SEMA3A: variants seen among roughly 807,000 people sequenced by gnomAD.
The protein encoded by SEMA3A is semaphorin 3A.
SEMA3A carries 29 observed loss-of-function variants against 97.9 expected under a neutral mutation model. The ratio of observed to expected loss-of-function variants is 0.30; its 90% CI spans 0.22 to 0.40. The LOEUF (loss-of-function observed/expected upper bound fraction) is 0.40, where lower values mean the gene tolerates loss of function less well. Ranked by LOEUF, SEMA3A falls within the 10% of genes least tolerant of loss-of-function variation. The probability of loss-of-function intolerance (pLI) is 1.00; values close to 1 mark genes in which losing one functional copy is unlikely to be tolerated. For missense variants in SEMA3A, 763 were observed against 951.3 expected (o/e 0.80, Z 2.60); for synonymous variants, 321 against 323.7 (o/e 0.99, Z 0.09).
chr7:84,441,250 A>G (rs1441807143), intron 1 of SEMA3A, among the ~76,000 whole-genome samples: 1 of 151,922 alleles, frequency 6.6e-6, no homozygotes, highest in Admixed American at 6.6e-5. Context: ...ACACTTTACA[A>G]CAGATCTATC....
At chr7:84,228,583 G>A (rs112551389) in intron 3 of SEMA3A, among the ~76,000 whole-genome samples, 187 of 152,070 alleles carry the variant, frequency 1.2e-3, no homozygotes, top group Admixed American at 2.0e-3. Flanking sequence ...AAATTTATCT[G>A]TCAATTTAAA....
At chr7:84,486,341 T>C (rs1806573370) in intron 1 of SEMA3A, among the ~76,000 whole-genome samples, 1 of 152,216 alleles carries the variant, frequency 6.6e-6, no homozygotes, top group African/African-American at 2.4e-5. Context: ...TGAGCCAAGA[T>C]CGTGCCATTG....
intron 1 of SEMA3A, among the ~76,000 whole-genome samples, chr7:84,191,239 AAAC>A (rs1798030243): frequency 6.6e-6 from 1 of 151,080 alleles, no homozygotes; most frequent in African/African-American, 2.4e-5. Flanking sequence ...AAAAAAAAAA[AAAC>A]AACTTTAGAA....
chr7:84,373,941 A>C (rs2116111081), intron 1 of SEMA3A, among the ~76,000 whole-genome samples: 1 of 152,254 alleles, frequency 6.6e-6, no homozygotes, highest in Non-Finnish European at 1.5e-5. Flanking sequence ...GCATGAGATG[A>C]GTTTGGCTTT....
intron 1 of SEMA3A, among the ~76,000 whole-genome samples, chr7:84,190,964 C>T (rs78834877): frequency 4.3e-4 from 8 of 18,600 alleles, no homozygotes; most frequent in South Asian, 2.0e-3. Context: ...TTGGTATATA[C>T]ACACACACAC....
chr7:84,003,729 T>G (rs1421747973), intron 11 of SEMA3A, among the ~76,000 whole-genome samples: 2 of 152,172 alleles, frequency 1.3e-5, no homozygotes, highest in African/African-American at 4.8e-5. Context: ...TGAACAAACT[T>G]AATTCCTCTG....
intron 3 of SEMA3A, among the ~76,000 whole-genome samples, chr7:84,211,923 A>G (rs1482695562): frequency 6.6e-6 from 1 of 152,238 alleles, no homozygotes; most frequent in Non-Finnish European, 1.5e-5. Context: ...AGGAACAGGT[A>G]AAAGAGTATA....
chr7:84,458,008 T>C (rs1805728215), intron 1 of SEMA3A, among the ~76,000 whole-genome samples: 1 of 152,040 alleles, frequency 6.6e-6, no homozygotes, highest in Non-Finnish European at 1.5e-5. Flanking sequence ...CTTTTAGTCT[T>C]AGTACTTCCA....
chr7:84,308,338 G>T (rs1801218540), intron 2 of SEMA3A, among the ~76,000 whole-genome samples: 1 of 152,112 alleles, frequency 6.6e-6, no homozygotes, highest in South Asian at 2.1e-4. Context: ...TAAGTTATCA[G>T]AAAATGGTAC....
chr7:83,979,543 G>T (rs1789308257), intron 14 of SEMA3A, among the ~76,000 whole-genome samples: 1 of 152,180 alleles, frequency 6.6e-6, no homozygotes, highest in African/African-American at 2.4e-5. Context: ...ACTGCATATT[G>T]CTATTCCTTA....
intron 4 of SEMA3A, among the ~76,000 whole-genome samples, chr7:84,063,432 G>A (rs985676980): frequency 4.6e-5 from 7 of 151,416 alleles, no homozygotes; most frequent in African/African-American, 1.5e-4. Flanking sequence ...TGACTTTGAC[G>A]AGCTGAGAGA....
intron 1 of SEMA3A, among the ~76,000 whole-genome samples, chr7:84,411,532 C>A (rs1336375573): frequency 2.0e-5 from 3 of 150,566 alleles, no homozygotes; most frequent in Non-Finnish European, 4.4e-5. Context: ...AATATAATTG[C>A]ATCAGTTTCT....
At chr7:84,174,411 G>A (rs963350142) in intron 1 of SEMA3A, among the ~76,000 whole-genome samples, 1 of 152,182 alleles carries the variant, frequency 6.6e-6, no homozygotes, top group Admixed American at 6.5e-5. Flanking sequence ...AATGTGTGAA[G>A]CATAGACGTT....
chr7:83,964,796 T>TA (rs989404661), intron 15 of SEMA3A, among the ~76,000 whole-genome samples: 1 of 152,032 alleles, frequency 6.6e-6, no homozygotes, highest in African/African-American at 2.4e-5. Flanking sequence ...AAGTCACATT[T>TA]AAAAAAAATT....
At chr7:84,017,164 C>T (rs1791137228) in intron 6 of SEMA3A, among the ~76,000 whole-genome samples, 1 of 152,130 alleles carries the variant, frequency 6.6e-6, no homozygotes. Context: ...CAATATTTTA[C>T]ATGTATAGAT....
At chr7:84,300,048 A>AG (rs1352743286) in intron 3 of SEMA3A, among the ~76,000 whole-genome samples, 134 of 148,730 alleles carry the variant, frequency 9.0e-4, no homozygotes, top group African/African-American at 3.0e-3. Flanking sequence ...AAAAAAAAAA[A>AG]AAAGAAAGAA....
chr7:84,277,398 G>A (rs942726743), intron 3 of SEMA3A, among the ~76,000 whole-genome samples: 2 of 151,934 alleles, frequency 1.3e-5, no homozygotes, highest in East Asian at 3.9e-4. Context: ...CACCTAAAGG[G>A]CCCGTGAATA....
intron 3 of SEMA3A, among the ~76,000 whole-genome samples, chr7:84,296,318 C>T (rs1421963531): frequency 6.6e-6 from 1 of 152,078 alleles, no homozygotes; most frequent in Non-Finnish European, 1.5e-5. Context: ...TCAAAATGGC[C>T]GCTTCACATG....
At chr7:84,053,596 C>G in intron 5 of SEMA3A, among the ~76,000 whole-genome samples, 2 of 145,650 alleles carry the variant, frequency 1.4e-5, no homozygotes, top group Non-Finnish European at 3.0e-5. Flanking sequence ...TATTTTGAGC[C>G]TATGTGTGTC....
Sources: gnomAD v4.1 joint callset for allele counts (sites outside exome capture counted in the v4.1 genomes callset) on GRCh38, gnomAD v4.1.1 for gene constraint, MANE v1.5 for transcripts, NCBI Gene and HGNC (gene_info 2026-07-23, HGNC 2026-07-21) for gene names.